PGAP6: variants seen among roughly 807,000 people sequenced by gnomAD.
PGAP6 encodes the protein post-GPI attachment to proteins factor 6.
In PGAP6, 62 loss-of-function variants were observed where a neutral mutation model predicts 68.4. That is an observed-to-expected ratio of 0.91 (90% confidence interval 0.74 to 1.12). The LOEUF is 1.12. Ranked by LOEUF, PGAP6 falls within the 50% of genes most tolerant of loss-of-function variation. The pLI, the probability that PGAP6 is intolerant of heterozygous loss-of-function variation, is 0.00. For synonymous variants in PGAP6, 575 were observed against 474.0 expected (o/e 1.21, Z -2.77); for missense variants, 1,188 against 1,068.5 (o/e 1.11, Z -1.56).
At chr16:381,035 C>G (rs867327143) in intron 1 of PGAP6, among the ~76,000 whole-genome samples, 2 of 152,272 alleles carry the variant, frequency 1.3e-5, no homozygotes, top group African/African-American at 4.8e-5. Flanking sequence ...CGCCTTCTCC[C>G]TGGTCCAGCC....
At chr16:384,274 G>A (rs1181428564), upstream of PGAP6, 2 of 152,306 alleles carry the variant, frequency 1.3e-5, no homozygotes, top group African/African-American at 4.8e-5. Flanking sequence ...GAGAGAAGCG[G>A]CAGAGCCCCC....
chr16:380,842 C>G (rs3785289), intron 1 of PGAP6, among the ~76,000 whole-genome samples: 88,780 of 152,032 alleles, frequency 0.58, 26,559 homozygotes, highest in African/African-American at 0.71. Flanking sequence ...AACAGCACCG[C>G]ATCAGCTGCC....
upstream of PGAP6, chr16:386,651 T>G: frequency 2.8e-6 from 1 of 355,806 alleles, no homozygotes; most frequent in Non-Finnish European, 5.3e-6. Flanking sequence ...GCATTATTAT[T>G]CTTTCATAAA....
Position 370,870 on chromosome 16 carries a change from T to C in PGAP6, c.*1117A>G, listed in dbSNP as rs2054325410. The C allele has an allele frequency of 6.6e-6, 1 of 152,462 alleles. No individual in the cohort carries two copies. Among genetic ancestry groups the C allele is most frequent in the Non-Finnish European group, 1.5e-5 (1 of 68,242 alleles). 9.4% of individuals were successfully genotyped at this position (152,462 alleles called of 1,614,324 possible). On this transcript the variant is annotated 3_prime_UTR_variant, in exon 13 of 13. Coordinates refer to ENST00000431232, the MANE Select transcript of PGAP6 (RefSeq NM_021259.3). The stretch of plus-strand genomic sequence containing the variant: ...CTACATAAAAATATGTCTTAATATC[T>C]TAGAATTTTCCTTTACTCCAAAAAA...
At chr16:381,070 C>T (rs923346576) in intron 1 of PGAP6, among the ~76,000 whole-genome samples, 1 of 152,360 alleles carries the variant, frequency 6.6e-6, no homozygotes, top group African/African-American at 2.4e-5. Flanking sequence ...CAGTCAGGGA[C>T]GGGGACCCTC....
chr16:380,725 G>A (rs888051826), intron 1 of PGAP6, among the ~76,000 whole-genome samples: 4 of 146,126 alleles, frequency 2.7e-5, no homozygotes, highest in African/African-American at 9.9e-5. Flanking sequence ...CTCTACCTGT[G>A]CCAAGCTCAG....
chr16:381,290 T>A (rs2054435288), intron 1 of PGAP6, among the ~76,000 whole-genome samples: 1 of 152,056 alleles, frequency 6.6e-6, no homozygotes, highest in Non-Finnish European at 1.5e-5. Context: ...CTAACAACTT[T>A]CTCCCGGCTC....
At chr16:377,984 C>T (rs2054402158) in intron 1 of PGAP6, 136 bp from the exon 2 acceptor site, 9 of 753,264 alleles carry the variant, frequency 1.2e-5, no homozygotes, top group Non-Finnish European at 1.7e-5. Flanking sequence ...CAACTCTGAC[C>T]TTGGCAAAGG....
In PGAP6 at chr16:371,261, G is replaced by C. The variant is rs956154374; in HGVS notation, c.*726C>G. On this transcript the variant is annotated 3_prime_UTR_variant, in exon 13 of 13. Coordinates refer to ENST00000431232, the MANE Select transcript of PGAP6 (RefSeq NM_021259.3). ...GGGACCAAGAGGAAGCTCCCAGAGG[G>C]GGGCCCAGGAACGCTGGGGTGGGTG... 6.6e-6 allele frequency: 1 copy of C among 152,466 alleles called. No homozygotes were observed. The highest frequency in any genetic ancestry group is 6.5e-5 in the Admixed American group (1 of 15,296). 9.4% of individuals were successfully genotyped at this position (152,466 alleles called of 1,614,324 possible).
intron 1 of PGAP6, among the ~76,000 whole-genome samples, chr16:378,756 C>G (rs914188026): frequency 6.6e-6 from 1 of 152,248 alleles, no homozygotes; most frequent in Non-Finnish European, 1.5e-5. Flanking sequence ...CCAAATTCCC[C>G]TTACCCAGAG....
In PGAP6 at chr16:372,208, C is replaced by T. The variant is rs747922747; in HGVS notation, c.2095G>A (p.Val699Ile). The part of the protein sequence containing the change: ...QRWAFYLLPG[V>I]SMASVGIAIY... ...GCGATGCCCACAGAGGCCATAGAGA[C>T]GCCGGGCAGGAGGTAGAAGGCCCAG... Residue 699 changes from valine (V) to isoleucine (I), a missense_variant, in exon 13 of 13, where the codon GTC becomes ATC. Physicochemically the swap from Val to Ile is conservative, Grantham distance 29 (BLOSUM62 3). Coordinates refer to ENST00000431232, the MANE Select transcript of PGAP6 (RefSeq NM_021259.3). 4.2e-5 allele frequency: 68 copies of T among 1,611,006 alleles called. No homozygotes were observed. In the Admixed American group the frequency reaches 5.3e-4, roughly 13 times the overall value.
At chr16:375,026 C>T in intron 8 of PGAP6, 107 bp downstream of exon 8, 1 of 1,573,816 alleles carries the variant, frequency 6.4e-7, no homozygotes, top group South Asian at 1.2e-5. Flanking sequence ...GGAGGAAGCA[C>T]CCCTCTAGCT....
rs759103377 is a variant in PGAP6, at chr16:377,131, G to A, written c.541C>T (p.Pro181Ser). Reference protein sequence around the residue: ...LAPTCAYVFQPELLVTRVVEI... With the variant: ...LAPTCAYVFQSELLVTRVVEI... ...ACCACCCGCGTGACCAGCAGTTCAGGCTGGAAGACGTAGGCACAGGTGGGA... is the reference window on the plus strand; with the variant it reads ...ACCACCCGCGTGACCAGCAGTTCAGACTGGAAGACGTAGGCACAGGTGGGA... Residue 181 changes from proline (P) to serine (S), a missense_variant, in exon 4 of 13, where the codon CCT becomes TCT. By Grantham distance (74) the Pro-to-Ser change is moderately conservative (BLOSUM62 -1). Coordinates refer to ENST00000431232, the MANE Select transcript of PGAP6 (RefSeq NM_021259.3). 6.2e-6 allele frequency: 10 copies of A among 1,613,532 alleles called. No homozygotes were observed. The highest frequency in any genetic ancestry group is 1.3e-5 in the African/African-American group (1 of 74,954).
intron 12 of PGAP6, 52 bp downstream of exon 12, chr16:372,559 G>A (rs1296657411): frequency 1.4e-6 from 2 of 1,411,746 alleles, no homozygotes; most frequent in Non-Finnish European, 2.0e-6. Flanking sequence ...AAGGGGCCAG[G>A]CTCTCTTCTC....
chr16:376,537 G>A lies in PGAP6; in HGVS notation c.904+7C>T, dbSNP rs781393335. On this transcript the variant is annotated splice_region_variant and intron_variant, in intron 5 of 12. Coordinates refer to ENST00000431232, the MANE Select transcript of PGAP6 (RefSeq NM_021259.3). ...AGGGCCATCCCTCCAGCCCTTGTGC[G>A]GCCCACCTGTGAGGGCAGCTACAGC... 5.1e-5 allele frequency: 78 copies of A among 1,543,058 alleles called. 1 individual carries two copies. Among genetic ancestry groups the A allele is most frequent in the South Asian group, 4.9e-4 (39 of 80,238 alleles).
At chr16:375,032 T>C (rs1179123173) in intron 8 of PGAP6, 101 bp downstream of exon 8, 2 of 1,575,754 alleles carry the variant, frequency 1.3e-6, no homozygotes, top group Non-Finnish European at 1.7e-6. Flanking sequence ...AGCACCCCTC[T>C]AGCTGGGTCA....
chr16:375,644 G>A (rs987114922), intron 6 of PGAP6, among the ~76,000 whole-genome samples: 7 of 151,558 alleles, frequency 4.6e-5, no homozygotes, highest in African/African-American at 1.7e-4. Flanking sequence ...CCATTCTCCC[G>A]CCTCAGCCTC....
intron 1 of PGAP6, among the ~76,000 whole-genome samples, chr16:379,526 G>T (rs1332164251): frequency 6.6e-6 from 1 of 152,232 alleles, no homozygotes; most frequent in Non-Finnish European, 1.5e-5. Flanking sequence ...GCTGAAGCAG[G>T]ACAGCCCCCC....
At chr16:372,812 C>T in intron 11 of PGAP6, 85 bp from the exon 12 acceptor site, 6 of 947,980 alleles carry the variant, frequency 6.3e-6, no homozygotes, top group Non-Finnish European at 9.7e-6. Flanking sequence ...GGCCCCACAG[C>T]ACCTCTGCCT....
Sources: allele counts gnomAD v4.1 joint callset (sites outside exome capture counted in the v4.1 genomes callset), GRCh38; gene constraint gnomAD v4.1.1; transcripts MANE v1.5; gene names NCBI Gene and HGNC (gene_info 2026-07-23, HGNC 2026-07-21).